The following GPHN variants were observed in gnomAD, a reference collection of about 807,000 sequenced individuals.
GPHN encodes gephyrin.
Under a neutral mutation model 95.5 loss-of-function variants are expected in GPHN, and 17 were observed. That is an observed-to-expected ratio of 0.18 (90% confidence interval 0.12 to 0.27). The LOEUF (loss-of-function observed/expected upper bound fraction) is 0.27. Among genes scored for constraint, GPHN ranks in the 10% least tolerant of loss-of-function variants. The pLI, the probability that GPHN is intolerant of heterozygous loss-of-function variation, is 1.00. For synonymous variants in GPHN, 320 were observed against 322.5 expected, an observed-to-expected ratio of 0.99 and a Z score of 0.08; for missense variants, 660 against 978.1, an observed-to-expected ratio of 0.67 and a Z score of 4.34.
chr14:67,148,845 C>T (rs563268695), intron 18 of GPHN, among the ~76,000 whole-genome samples: 30 of 151,426 alleles, frequency 2.0e-4, no homozygotes, highest in East Asian at 2.0e-4. Flanking sequence ...GGATTACAGG[C>T]GTGAGCCACC....
chr14:66,675,247 G>A (rs1327192104), intron 1 of GPHN, among the ~76,000 whole-genome samples: 1 of 150,060 alleles, frequency 6.7e-6, no homozygotes, highest in Non-Finnish European at 1.5e-5. Flanking sequence ...GAATTCAAGC[G>A]ATTCTCCTGC....
At chr14:66,512,099 C>T (rs1484680433) in intron 1 of GPHN, among the ~76,000 whole-genome samples, 1 of 151,796 alleles carries the variant, frequency 6.6e-6, no homozygotes, top group Non-Finnish European at 1.5e-5. Context: ...TAATGAGTAA[C>T]ATGAAGCAAA....
chr14:66,565,264 G>GA (rs1222329465), intron 1 of GPHN, among the ~76,000 whole-genome samples: 1 of 152,036 alleles, frequency 6.6e-6, no homozygotes, highest in Non-Finnish European at 1.5e-5. Context: ...AGCCAGCAGT[G>GA]AGTAGCTTAC....
the GPHN span, among the ~76,000 whole-genome samples, chr14:67,244,367 A>C: frequency 2.0e-5 from 3 of 152,240 alleles, no homozygotes; most frequent in Non-Finnish European, 4.4e-5. Context: ...ACATTCCTGC[A>C]AACAGTATGA....
intron 2 of GPHN, among the ~76,000 whole-genome samples, chr14:66,764,638 G>A (rs1243718566): frequency 2.0e-5 from 3 of 151,878 alleles, no homozygotes; most frequent in Non-Finnish European, 4.4e-5. Context: ...ACTTGAAACA[G>A]GTCTAAAAAG....
the GPHN span, among the ~76,000 whole-genome samples, chr14:67,730,567 T>C: frequency 3.9e-5 from 6 of 152,238 alleles, no homozygotes; most frequent in Non-Finnish European, 7.3e-5. Context: ...AAATATTTCA[T>C]AATTCAAATA....
At chr14:67,144,286 TACACACACAC>T (rs1555502099) in intron 18 of GPHN, among the ~76,000 whole-genome samples, 1 of 78,116 alleles carries the variant, frequency 1.3e-5, no homozygotes, top group African/African-American at 6.4e-5. Context: ...TATATATATA[TACACACACAC>T]ATACACAAAT....
chr14:67,689,883 G>T, the GPHN span, among the ~76,000 whole-genome samples: 1 of 152,032 alleles, frequency 6.6e-6, no homozygotes, highest in Non-Finnish European at 1.5e-5. Context: ...AGTGGAGGTC[G>T]GCAGTGAGCC....
chr14:67,222,425 G>A, the GPHN span, among the ~76,000 whole-genome samples: 1 of 152,100 alleles, frequency 6.6e-6, no homozygotes, highest in Non-Finnish European at 1.5e-5. Context: ...CTGAGTAGCT[G>A]GGATTACAGG....
the GPHN span, chr14:67,228,336 C>T: frequency 1.6e-5 from 8 of 486,846 alleles, no homozygotes; most frequent in Non-Finnish European, 2.1e-5. Context: ...GTATTTAGTT[C>T]ATCTTGTCTT....
At chr14:67,569,890 G>A in the GPHN span, 44 of 1,434,676 alleles carry the variant, frequency 3.1e-5, no homozygotes, top group Non-Finnish European at 4.3e-5. Context: ...TTATGCCCTT[G>A]AGTAATCTCA....
intron 2 of GPHN, among the ~76,000 whole-genome samples, chr14:66,771,068 A>T (rs2059150027): frequency 6.6e-6 from 1 of 152,156 alleles, no homozygotes; most frequent in Admixed American, 6.5e-5. Flanking sequence ...GATGTCCTTC[A>T]TCCTTCCTAA....
At chr14:66,808,082 T>A (rs2060618513) in intron 3 of GPHN, among the ~76,000 whole-genome samples, 1 of 152,258 alleles carries the variant, frequency 6.6e-6, no homozygotes, top group Non-Finnish European at 1.5e-5. Flanking sequence ...CATTTTGGAA[T>A]GTAAATAGTG....
chr14:67,501,948 GA>G, the GPHN span, among the ~76,000 whole-genome samples: 7 of 152,168 alleles, frequency 4.6e-5, no homozygotes, highest in Non-Finnish European at 1.0e-4. Flanking sequence ...TTGAGTGAAA[GA>G]AAATCTTTTG....
intron 1 of GPHN, among the ~76,000 whole-genome samples, chr14:66,628,358 G>A (rs2063600174): frequency 6.6e-6 from 1 of 152,084 alleles, no homozygotes; most frequent in Admixed American, 6.5e-5. Context: ...TATGGCATAG[G>A]CTATTGCTGT....
At chr14:67,566,618 C>T in the GPHN span, among the ~76,000 whole-genome samples, 1 of 152,040 alleles carries the variant, frequency 6.6e-6, no homozygotes, top group African/African-American at 2.4e-5. Context: ...CATGGTGGCA[C>T]ATGCCGGTAG....
At chr14:67,557,018 T>TGCCC in the GPHN span, among the ~76,000 whole-genome samples, 4 of 152,232 alleles carry the variant, frequency 2.6e-5, no homozygotes, top group African/African-American at 9.6e-5. Context: ...TCGTCTCCTC[T>TGCCC]GCCCTCCTCT....
chr14:66,989,161 A>T (rs1180624677), intron 9 of GPHN, among the ~76,000 whole-genome samples: 1 of 151,738 alleles, frequency 6.6e-6, no homozygotes, highest in Non-Finnish European at 1.5e-5. Flanking sequence ...CCTTTGAGCT[A>T]CTCTTTGTTT....
the GPHN span, among the ~76,000 whole-genome samples, chr14:67,716,641 TG>T: frequency 6.6e-6 from 1 of 152,172 alleles, no homozygotes. Flanking sequence ...CTCAGCACTT[TG>T]GGAGGCCAAG....
Sources: gnomAD v4.1 joint callset for allele counts (sites outside exome capture counted in the v4.1 genomes callset) on GRCh38, gnomAD v4.1.1 for gene constraint, MANE v1.5 for transcripts, NCBI Gene and HGNC (gene_info 2026-07-23, HGNC 2026-07-21) for gene names.